NKAIN2: variants seen among roughly 807,000 people sequenced by gnomAD.
NKAIN2 encodes sodium/potassium-transporting ATPase subunit beta-1-interacting protein 2.
In NKAIN2, 14 loss-of-function variants were observed where a neutral mutation model predicts 32.6. That is an observed-to-expected ratio of 0.43 (90% confidence interval 0.28 to 0.67). The LOEUF is 0.67. Ranked by LOEUF, NKAIN2 falls within the 30% of genes least tolerant of loss-of-function variation. The probability of loss-of-function intolerance (pLI) is 0.17; values close to 1 mark genes in which losing one functional copy is unlikely to be tolerated. For missense variants in NKAIN2, 198 were observed against 258.3 expected (o/e 0.77, Z 1.60); for synonymous variants, 80 against 87.2 (o/e 0.92, Z 0.46).
rs1246173303 is a variant in NKAIN2 at position 124,805,601 on chromosome 6, G to C, written c.536-12786G>C. 3.3e-5 allele frequency among the ~76,000 whole-genome samples: 5 copies of C among 152,298 alleles called. No homozygotes were observed. The South Asian group carries it at 1.0e-3, about 32-fold the overall frequency. Reference sequence around the variant, plus strand: ...GCAGAGCATCTCTCCTCCTCCAAAGGATCGCAGTTCCTCACCAGCAATGGA... The same window carrying C: ...GCAGAGCATCTCTCCTCCTCCAAAGCATCGCAGTTCCTCACCAGCAATGGA... On this transcript the variant is annotated intron_variant, in intron 5 of 6. Coordinates refer to ENST00000368417, the MANE Select transcript of NKAIN2 (RefSeq NM_001040214.3).
At chr6:124,248,633 T>G (rs1394165723) in intron 1 of NKAIN2, among the ~76,000 whole-genome samples, 1 of 152,116 alleles carries the variant, frequency 6.6e-6, no homozygotes, top group African/African-American at 2.4e-5. Flanking sequence ...TTTATAATTG[T>G]GTATGTGGAG....
At chr6:124,363,589 A>C (rs1489679971) in intron 3 of NKAIN2, among the ~76,000 whole-genome samples, 1 of 152,260 alleles carries the variant, frequency 6.6e-6, no homozygotes, top group Non-Finnish European at 1.5e-5. Context: ...ATGCCAAATT[A>C]GTTTGAAGAC....
chr6:124,312,677 T>C (rs189439154), intron 2 of NKAIN2, among the ~76,000 whole-genome samples: 2 of 152,276 alleles, frequency 1.3e-5, no homozygotes, highest in East Asian at 3.9e-4. Flanking sequence ...TTCGGTCTTT[T>C]ATGGAGACTT....
intron 4 of NKAIN2, among the ~76,000 whole-genome samples, chr6:124,741,297 T>A: frequency 6.6e-6 from 1 of 151,804 alleles, no homozygotes; most frequent in East Asian, 1.9e-4. Context: ...TGGGATTCAT[T>A]AATATTTAGA....
intron 5 of NKAIN2, among the ~76,000 whole-genome samples, chr6:124,806,863 A>C (rs1056958883): frequency 2.0e-5 from 3 of 152,250 alleles, no homozygotes; most frequent in African/African-American, 7.2e-5. Flanking sequence ...AACAGACTTT[A>C]AGCCAACAAA....
chr6:124,541,136 C>T (rs1198184587), intron 3 of NKAIN2, among the ~76,000 whole-genome samples: 1 of 152,192 alleles, frequency 6.6e-6, no homozygotes, highest in Non-Finnish European at 1.5e-5. Context: ...TATACACACA[C>T]ACACCTCCCT....
chr6:124,802,064 A>T (rs189252830), intron 5 of NKAIN2, among the ~76,000 whole-genome samples: 32 of 152,294 alleles, frequency 2.1e-4, no homozygotes, highest in African/African-American at 7.7e-4. Flanking sequence ...TAAGAAGATG[A>T]TTAATTTAGG....
At chr6:124,820,518 G>T (rs1445622823) in intron 6 of NKAIN2, among the ~76,000 whole-genome samples, 1 of 152,192 alleles carries the variant, frequency 6.6e-6, no homozygotes. Context: ...AATAATGCTT[G>T]TGTTAATCAA....
At chr6:124,162,691 G>A (rs749212) in intron 1 of NKAIN2, among the ~76,000 whole-genome samples, 113,796 of 151,960 alleles carry the variant, frequency 0.75, 45,407 homozygotes, top group Non-Finnish European at 0.88. Context: ...GAGAGAAGGA[G>A]TCCTAGTGAA....
At chr6:124,368,650 G>A (rs1042691315) in intron 3 of NKAIN2, among the ~76,000 whole-genome samples, 2 of 152,072 alleles carry the variant, frequency 1.3e-5, no homozygotes, top group African/African-American at 4.8e-5. Flanking sequence ...CTCCCAAAGA[G>A]CAATGAGAGC....
chr6:124,659,336 C>A (rs1211219742), intron 4 of NKAIN2, among the ~76,000 whole-genome samples: 1 of 151,866 alleles, frequency 6.6e-6, no homozygotes, highest in South Asian at 2.1e-4. Flanking sequence ...TATTGACTCA[C>A]AGTTCTTGGA....
intron 1 of NKAIN2, among the ~76,000 whole-genome samples, chr6:124,011,273 A>G (rs924371425): frequency 6.6e-6 from 1 of 151,872 alleles, no homozygotes; most frequent in South Asian, 2.1e-4. Context: ...TATCCTTGAT[A>G]TTTTTTACAT....
At chr6:124,442,102 C>T (rs1775716137) in intron 3 of NKAIN2, among the ~76,000 whole-genome samples, 1 of 151,928 alleles carries the variant, frequency 6.6e-6, no homozygotes, top group Non-Finnish European at 1.5e-5. Context: ...CATTAACATG[C>T]CACCAATCCA....
chr6:124,489,588 A>G (rs1777781961), intron 3 of NKAIN2, among the ~76,000 whole-genome samples: 1 of 151,894 alleles, frequency 6.6e-6, no homozygotes, highest in African/African-American at 2.4e-5. Context: ...ACAGAAACCT[A>G]TTTTATAATG....
intron 3 of NKAIN2, among the ~76,000 whole-genome samples, chr6:124,485,856 G>A (rs114675956): frequency 0.012 from 1,873 of 152,290 alleles, 44 homozygotes; most frequent in African/African-American, 0.043. Flanking sequence ...CCTGTGAGGT[G>A]TACAGGCAAC....
intron 2 of NKAIN2, among the ~76,000 whole-genome samples, chr6:124,340,791 G>A (rs772513356): frequency 6.6e-6 from 1 of 152,084 alleles, no homozygotes; most frequent in African/African-American, 2.4e-5. Context: ...ATAATTGTAG[G>A]TGTTTAAAGA....
chr6:123,839,818 A>G (rs150554921), intron 1 of NKAIN2, among the ~76,000 whole-genome samples: 3 of 152,292 alleles, frequency 2.0e-5, no homozygotes, highest in East Asian at 3.9e-4. Context: ...AGATGTTCCT[A>G]TGCTCAAAAT....
chr6:124,621,789 A>T (rs566315138), intron 3 of NKAIN2, among the ~76,000 whole-genome samples: 1 of 152,096 alleles, frequency 6.6e-6, no homozygotes, highest in South Asian at 2.1e-4. Context: ...TTACCTTTGA[A>T]AATCTCTCCC....
At chr6:123,973,755 A>T (rs1048684171) in intron 1 of NKAIN2, among the ~76,000 whole-genome samples, 10 of 152,082 alleles carry the variant, frequency 6.6e-5, no homozygotes, top group Admixed American at 1.3e-4. Context: ...CACCATGTAT[A>T]TGAATCCAGT....
Sources: gnomAD v4.1 joint callset for allele counts (sites outside exome capture counted in the v4.1 genomes callset) on GRCh38, gnomAD v4.1.1 for gene constraint, MANE v1.5 for transcripts, NCBI Gene and HGNC (gene_info 2026-07-23, HGNC 2026-07-21) for gene names.